Variants in ITCH observed in about 807,000 individuals in gnomAD.
ITCH encodes itchy E3 ubiquitin protein ligase.
In ITCH, 28 loss-of-function variants were observed where a neutral mutation model predicts 126.8. The observed-to-expected ratio is 0.22, with a 90% CI of 0.16 to 0.30. The LOEUF (loss-of-function observed/expected upper bound fraction) is 0.30, where lower values mean the gene tolerates loss of function less well. ITCH is among the 10% of genes least tolerant of loss of function. The probability of loss-of-function intolerance (pLI) is 1.00; values close to 1 mark genes in which losing one functional copy is unlikely to be tolerated. For synonymous variants in ITCH, 342 were observed against 340.0 expected, an observed-to-expected ratio of 1.01 and a Z score of -0.06; for missense variants, 631 against 1,032.4, an observed-to-expected ratio of 0.61 and a Z score of 5.33.
chr20:34,390,302 G>T (rs77179869), intron 2 of ITCH, among the ~76,000 whole-genome samples: 1 of 152,080 alleles, frequency 6.6e-6, no homozygotes, highest in Non-Finnish European at 1.5e-5. Flanking sequence ...GTGGCTTAGA[G>T]AAATTCAGTA....
chr20:34,413,355 C>T (rs535659588), intron 5 of ITCH, among the ~76,000 whole-genome samples: 6 of 152,142 alleles, frequency 3.9e-5, no homozygotes, highest in African/African-American at 1.4e-4. Flanking sequence ...TAAAAATTTT[C>T]TCATTTAGGA....
At chr20:34,493,193 A>C (rs1989636488) in intron 23 of ITCH, among the ~76,000 whole-genome samples, 2 of 152,250 alleles carry the variant, frequency 1.3e-5, no homozygotes, top group African/African-American at 4.8e-5. Context: ...GTATCATAGG[A>C]GGATACACAG....
chr20:34,405,141 C>CAA (rs1170286039), intron 3 of ITCH, among the ~76,000 whole-genome samples: 1,446 of 56,382 alleles, frequency 0.026, 42 homozygotes, highest in South Asian at 0.081. Context: ...GACCCTGTCT[C>CAA]AAAAAAAAAA....
intron 2 of ITCH, among the ~76,000 whole-genome samples, chr20:34,373,764 A>G (rs1470479698): frequency 6.6e-6 from 1 of 152,250 alleles, no homozygotes; most frequent in Non-Finnish European, 1.5e-5. Context: ...TTAAGAATTC[A>G]TCTACATATT....
chr20:34,503,856 TTTTTTTTTTTTTGG>T (rs1394665026), intron 23 of ITCH, among the ~76,000 whole-genome samples: 16 of 128,728 alleles, frequency 1.2e-4, no homozygotes, highest in South Asian at 4.9e-4. Context: ...TTTTTGGGTT[TTTTTTTTTTTTTGG>T]TTTTTTTTTT....
intron 14 of ITCH, among the ~76,000 whole-genome samples, chr20:34,463,633 AT>A (rs911034893): frequency 1.4e-4 from 20 of 146,208 alleles, no homozygotes; most frequent in African/African-American, 4.0e-4. Context: ...TCATCATCAT[AT>A]TTTTTTTTAA....
chr20:34,498,080 TTTG>T (rs1352758567), intron 23 of ITCH, among the ~76,000 whole-genome samples: 1 of 152,224 alleles, frequency 6.6e-6, no homozygotes, highest in Non-Finnish European at 1.5e-5. Flanking sequence ...TTTCTAGGTT[TTTG>T]TTGTTTGTAG....
chr20:34,491,054 A>G (rs1675736241), intron 22 of ITCH, among the ~76,000 whole-genome samples: 1 of 152,230 alleles, frequency 6.6e-6, no homozygotes, highest in African/African-American at 2.4e-5. Flanking sequence ...TTGTAAAGTC[A>G]CAACTTACCC....
chr20:34,454,721 G>A (rs928977695), intron 12 of ITCH, among the ~76,000 whole-genome samples: 2 of 150,578 alleles, frequency 1.3e-5, no homozygotes, highest in Non-Finnish European at 2.9e-5. Flanking sequence ...TACCAAATAC[G>A]AACTTGACAA....
intron 3 of ITCH, among the ~76,000 whole-genome samples, chr20:34,397,993 A>AT (rs570535836): frequency 0.011 from 1,578 of 143,106 alleles, 8 homozygotes; most frequent in Middle Eastern, 0.058. Flanking sequence ...TCGTTATTGA[A>AT]TTTTTTTTTT....
At chr20:34,424,012 G>T (rs566230762) in intron 6 of ITCH, among the ~76,000 whole-genome samples, 1 of 152,276 alleles carries the variant, frequency 6.6e-6, no homozygotes, top group South Asian at 2.1e-4. Flanking sequence ...TGGCAACTTG[G>T]ATTCCCATTT....
chr20:34,379,960 G>A (rs1237575585), intron 2 of ITCH, among the ~76,000 whole-genome samples: 2 of 139,912 alleles, frequency 1.4e-5, no homozygotes, highest in East Asian at 2.1e-4. Flanking sequence ...GCAGTGGTGC[G>A]ATGTTGGCTC....
At chr20:34,417,076 A>C in intron 6 of ITCH, 1 of 611,394 alleles carries the variant, frequency 1.6e-6, no homozygotes. Flanking sequence ...CACCTGGCTA[A>C]TTTTAATTTG....
chr20:34,387,798 G>A (rs1192165257), intron 2 of ITCH, among the ~76,000 whole-genome samples: 2 of 151,946 alleles, frequency 1.3e-5, no homozygotes, highest in East Asian at 3.9e-4. Flanking sequence ...TCCGCCTCCT[G>A]GGTTCAAGCG....
chr20:34,477,894 C>CT (rs1258670763), intron 17 of ITCH, 34 bp downstream of exon 17: 4 of 1,612,294 alleles, frequency 2.5e-6, no homozygotes, highest in Non-Finnish European at 3.4e-6. Context: ...AACTTAGTTC[C>CT]TTTCCTCCAA....
chr20:34,409,139 T>TGCC (rs1310531922), intron 4 of ITCH, among the ~76,000 whole-genome samples: 1 of 82,788 alleles, frequency 1.2e-5, no homozygotes, highest in African/African-American at 5.6e-5. Flanking sequence ...TTATGAGTAC[T>TGCC]CCCCCCCCCC....
chr20:34,408,129 G>A (rs922289206), intron 3 of ITCH, among the ~76,000 whole-genome samples: 1 of 152,158 alleles, frequency 6.6e-6, no homozygotes, highest in African/African-American at 2.4e-5. Context: ...TGTTGCCCAA[G>A]CTGTTGCACA....
At chr20:34,491,066 T>A (rs1294289093) in intron 22 of ITCH, among the ~76,000 whole-genome samples, 4 of 152,168 alleles carry the variant, frequency 2.6e-5, no homozygotes, top group Non-Finnish European at 1.5e-5. Flanking sequence ...AACTTACCCA[T>A]TGTAAAGTTG....
chr20:34,369,671 TG>T (rs2037546027), intron 2 of ITCH: 1 of 382,634 alleles, frequency 2.6e-6, no homozygotes, highest in African/African-American at 2.1e-5. Context: ...GCTCTTAATT[TG>T]GGTTTTCTGA....
Sources: allele counts gnomAD v4.1 joint callset (sites outside exome capture counted in the v4.1 genomes callset), GRCh38; gene constraint gnomAD v4.1.1; transcripts MANE v1.5; gene names NCBI Gene and HGNC (gene_info 2026-07-23, HGNC 2026-07-21).